MTHFD2: variants seen among roughly 807,000 people sequenced by gnomAD.
MTHFD2 encodes the protein bifunctional methylenetetrahydrofolate dehydrogenase/cyclohydrolase, mitochondrial.
MTHFD2 carries 26 observed loss-of-function variants against 36.8 expected under a neutral mutation model. That is an observed-to-expected ratio of 0.71 (90% CI 0.52 to 0.98). The LOEUF is 0.98. Among genes scored for constraint, MTHFD2 ranks in the 50% least tolerant of loss-of-function variants. The probability of loss-of-function intolerance (pLI) is 0.00; values close to 1 mark genes in which losing one functional copy is unlikely to be tolerated. For synonymous variants in MTHFD2, 164 were observed against 155.2 expected (o/e 1.06, Z -0.42); for missense variants, 373 against 434.0 (o/e 0.86, Z 1.25).
Position 74,211,198 on chromosome 2 carries a change from G to A in MTHFD2, c.671-1G>A. ...CAAGACATCTATTTTTTTCTTTCTA[G>A]GTGATGCCACTGTTACAATATCTCA... is the stretch of plus-strand genomic sequence containing the variant. On this transcript the variant is annotated splice_acceptor_variant, in intron 5 of 7. Coordinates refer to ENST00000394053, the MANE Select transcript of MTHFD2 (RefSeq NM_006636.4). LOFTEE classifies it high-confidence loss of function. The A allele has an allele frequency of 6.3e-7, 1 of 1,593,864 alleles. No homozygotes were observed. The highest frequency in any genetic ancestry group is 8.6e-7 in the Non-Finnish European group (1 of 1,164,648).
At chr2:74,205,957 T>C in intron 2 of MTHFD2, 68 bp downstream of exon 2, 1 of 1,497,702 alleles carries the variant, frequency 6.7e-7, no homozygotes, top group Non-Finnish European at 9.1e-7. Context: ...TCCATTCTAA[T>C]TTATGATTTC....
At chr2:74,200,939 T>C (rs1356454357) in intron 1 of MTHFD2, among the ~76,000 whole-genome samples, 3 of 152,324 alleles carry the variant, frequency 2.0e-5, no homozygotes, top group Non-Finnish European at 4.4e-5. Flanking sequence ...CTGTAAGCTA[T>C]TGAATTAAAA....
chr2:74,206,371 C>T (rs542617079), intron 2 of MTHFD2: 3 of 154,016 alleles, frequency 1.9e-5, no homozygotes, highest in African/African-American at 4.8e-5. Flanking sequence ...AGTTCTTCAC[C>T]GATTGGTTCT....
chr2:74,208,769 G>A (rs759157010), intron 4 of MTHFD2, 48 bp downstream of exon 4: 3 of 1,582,888 alleles, frequency 1.9e-6, no homozygotes, highest in East Asian at 4.5e-5. Context: ...TATAAAAGTA[G>A]TACTGGCAAA....
rs1002459938 is a variant in MTHFD2 at position 74,206,004 on chromosome 2, A to T, written c.286+115A>T. Reference sequence around the variant, plus strand: ...TAGGAAACCCAAGCAGAGGAGGCTAATGTGATTGAACTGTATCCCAAAACT... The same window carrying T: ...TAGGAAACCCAAGCAGAGGAGGCTATTGTGATTGAACTGTATCCCAAAACT... On this transcript the variant is annotated intron_variant, in intron 2 of 7. Coordinates refer to ENST00000394053, the MANE Select transcript of MTHFD2 (RefSeq NM_006636.4). The T allele has an allele frequency of 3.9e-5, 44 of 1,116,642 alleles. No individual in the cohort carries two copies. The Admixed American group carries it at 1.0e-3, about 25-fold the overall frequency. 69.2% of individuals were successfully genotyped at this position (1,116,642 alleles called of 1,614,324 possible).
rs71406865 is a variant in MTHFD2, at chr2:74,210,785, G to GTTTTTTTTTTTTTTT, written c.671-411_671-397dup. 1.9e-3 allele frequency among the ~76,000 whole-genome samples: 257 copies of GTTTTTTTTTTTTTTT among 132,002 alleles called. 15 individuals carry two copies. The highest frequency in any genetic ancestry group is 5.7e-3 in the African/African-American group (197 of 34,264). The allele number at this position is 132,002 out of a possible 152,430, so 86.6% of individuals were successfully genotyped here. On this transcript the variant is annotated intron_variant, in intron 5 of 7. Transcript: ENST00000394053. ...AAACATGGCACAAGCCATTAAGTCA[G>GTTTTTTTTTTTTTTT]TTTTTTTTTTTTTTTTTCCTGGAGA...
chr2:74,208,711 C>G lies in MTHFD2; in HGVS notation c.552C>G (p.Ile184Met), dbSNP rs374942985. 3.5e-5 allele frequency: 57 copies of G among 1,613,836 alleles called. No homozygotes were observed. Among genetic ancestry groups the G allele is most frequent in the Non-Finnish European group, 4.2e-5 (49 of 1,179,968 alleles). The change falls in exon 4 of 8, where the codon ATC (isoleucine) becomes ATG (methionine). Residue 184 changes from isoleucine (I) to methionine (M), a missense_variant. Physicochemically the swap from Ile to Met is conservative, Grantham distance 10. Transcript: ENST00000394053. ...CTCCATGGGGTGTGTGGGAAATAAT[C>G]AAGCGAACTGGTAGGTATATCCCAG... Reference protein sequence around the residue: ...PATPWGVWEIIKRTGIPTLGK... With the variant: ...PATPWGVWEIMKRTGIPTLGK...
At position 74,209,934 on chromosome 2, in the gene MTHFD2, T is replaced by C; in HGVS notation, c.563-8T>C. 1.2e-6 allele frequency: 2 copies of C among 1,608,236 alleles called. No individual in the cohort carries two copies. Among genetic ancestry groups the C allele is most frequent in the South Asian group, 2.2e-5 (2 of 89,758 alleles). ...CTACTTTTAATGTCAATACATATAT[T>C]TTTATAGGCATTCCAACCCTAGGGA... On this transcript the variant is annotated splice_polypyrimidine_tract_variant and splice_region_variant and intron_variant, in intron 4 of 7. Transcript: ENST00000394053.
chr2:74,215,783 G>A lies in MTHFD2; in HGVS notation c.*1541G>A, dbSNP rs148225667. 10,288 of 151,916 alleles carry A rather than the reference G, an allele frequency of 0.068. 561 individuals are homozygous for A. The highest frequency in any genetic ancestry group is 0.14 in the African/African-American group (5,753 of 41,410). 9.4% of individuals were successfully genotyped at this position (151,916 alleles called of 1,614,324 possible). A position where few individuals can be genotyped will look rare whatever the true frequency, so the allele number is the denominator to read the frequency against. On this transcript the variant is annotated 3_prime_UTR_variant, in exon 8 of 8. Coordinates refer to ENST00000394053, the MANE Select transcript of MTHFD2 (RefSeq NM_006636.4). ...GCCACCATGCCTGGCTAATTTTTGT[G>A]TTTTTAGTAGAGATGGGGTTTCATC...
At chr2:74,199,506 G>A (rs974487319) in intron 1 of MTHFD2, among the ~76,000 whole-genome samples, 1 of 152,208 alleles carries the variant, frequency 6.6e-6, no homozygotes, top group Admixed American at 6.5e-5. Flanking sequence ...TTCTGAAGAT[G>A]GATGGTGGTG....
intron 4 of MTHFD2, 64 bp from the exon 5 acceptor site, chr2:74,209,866 TCATGTTCTAGGC>T: frequency 1.5e-6 from 2 of 1,290,428 alleles, no homozygotes; most frequent in South Asian, 2.9e-5. Flanking sequence ...AAAATTGGGT[TCATGTTCTAGGC>T]CATCTGACTT....
At chr2:74,207,934 T>C in intron 3 of MTHFD2, 108 bp downstream of exon 3, 2 of 1,112,214 alleles carry the variant, frequency 1.8e-6, no homozygotes, top group Admixed American at 4.3e-5. Context: ...CTCCTTTCCT[T>C]GTCTCACTCT....
chr2:74,211,375 C>A, intron 6 of MTHFD2, 84 bp downstream of exon 6: 2 of 830,458 alleles, frequency 2.4e-6, no homozygotes, highest in Non-Finnish European at 3.9e-6. Context: ...GCCTGCCTAG[C>A]TGCTATTCAT....
At chr2:74,213,700 C>G (rs1047506574) in intron 7 of MTHFD2, among the ~76,000 whole-genome samples, 2 of 151,768 alleles carry the variant, frequency 1.3e-5, no homozygotes, top group Admixed American at 6.6e-5. Context: ...TTTTTAACTT[C>G]TCACTTTTAA....
intron 4 of MTHFD2, among the ~76,000 whole-genome samples, chr2:74,209,236 T>C (rs1694251390): frequency 6.6e-6 from 1 of 151,414 alleles, no homozygotes; most frequent in African/African-American, 2.4e-5. Flanking sequence ...ATTTTCTATT[T>C]TTCTTTTTCT....
At chr2:74,205,145 A>G (rs1429861321) in intron 1 of MTHFD2, among the ~76,000 whole-genome samples, 1 of 152,244 alleles carries the variant, frequency 6.6e-6, no homozygotes, top group East Asian at 1.9e-4. Flanking sequence ...TTATTCAACT[A>G]CAGAATATAA....
Position 74,211,751 on chromosome 2 carries a change from T to C in MTHFD2, c.774T>C (p.Asn258=). The C allele has an allele frequency of 1.9e-6, 3 of 1,606,542 alleles. No individual in the cohort carries two copies. The highest frequency in any genetic ancestry group is 2.5e-6 in the Non-Finnish European group (3 of 1,176,644). ...TTTCTCCATTTCCAGGTATTCCAAA[T>C]CTGATCACAGCAGATATGATCAAGG... ...DIVISAAGIP[N]LITADMIKEG... The change falls in exon 7 of 8, where the codon AAT becomes AAC. Residue 258 remains asparagine (N), a synonymous_variant. Coordinates refer to ENST00000394053, the MANE Select transcript of MTHFD2 (RefSeq NM_006636.4).
intron 1 of MTHFD2, 29 bp downstream of exon 1, chr2:74,198,771 C>T: frequency 1.3e-6 from 2 of 1,573,136 alleles, no homozygotes; most frequent in Non-Finnish European, 1.7e-6. Context: ...TCGGTCAGCG[C>T]GGAAAGCTGA....
At chr2:74,201,958 C>CTT (rs532786535) in intron 1 of MTHFD2, among the ~76,000 whole-genome samples, 60 of 141,904 alleles carry the variant, frequency 4.2e-4, no homozygotes, top group African/African-American at 1.5e-3. Flanking sequence ...TCTTTCTTTT[C>CTT]TTTTTTTTTT....
Sources: allele counts gnomAD v4.1 joint callset (sites outside exome capture counted in the v4.1 genomes callset), GRCh38; gene constraint gnomAD v4.1.1; transcripts MANE v1.5; gene names NCBI Gene and HGNC (gene_info 2026-07-23, HGNC 2026-07-21).